Variants in PTPRS observed in about 807,000 individuals in gnomAD.
PTPRS encodes protein tyrosine phosphatase receptor type S, also known as receptor-type tyrosine-protein phosphatase S.
PTPRS carries 63 observed loss-of-function variants against 215.3 expected under a neutral mutation model. That is an observed-to-expected ratio of 0.29 (90% CI 0.24 to 0.36). The LOEUF is 0.36. Among genes scored for constraint, PTPRS ranks in the 10% least tolerant of loss-of-function variants. The probability of loss-of-function intolerance (pLI) is 1.00; values close to 1 mark genes in which losing one functional copy is unlikely to be tolerated. For missense variants in PTPRS, 2,258 were observed against 2,825.8 expected (o/e 0.80, Z 4.56); for synonymous variants, 1,404 against 1,191.4 (o/e 1.18, Z -3.68).
At chr19:5,316,394 T>C (rs1426441796) in intron 1 of PTPRS, among the ~76,000 whole-genome samples, 1 of 152,184 alleles carries the variant, frequency 6.6e-6, no homozygotes, top group East Asian at 1.9e-4. Flanking sequence ...TTTTTTTCTT[T>C]CTTTCTTTTT....
chr19:5,211,519 G>A, intron 33 of PTPRS, 71 bp downstream of exon 33: 1 of 1,482,024 alleles, frequency 6.7e-7, no homozygotes, highest in Non-Finnish European at 9.2e-7. Flanking sequence ...TCTCCCACAA[G>A]ACTGGAGGCC....
rs1482767471 is a variant in PTPRS, at chr19:5,339,714, A to C, written c.-95+950T>G. ...TCAGGGCACGCCCCGCGCCCCCTTT[A>C]ACCCAGTGCCGACGGCCCCGCCCCC... On this transcript the variant is annotated intron_variant, in intron 1 of 37. Transcript: ENST00000262963. This position sits in a 1 kb window ranked among gnomAD's most constrained non-coding sequence, Gnocchi z 4.2. Among the ~76,000 whole-genome samples, 1 of 151,410 alleles carries C rather than the reference A, an allele frequency of 6.6e-6. No homozygotes were observed. Among genetic ancestry groups the C allele is most frequent in the Non-Finnish European group, 1.5e-5 (1 of 67,728 alleles).
intron 3 of PTPRS, among the ~76,000 whole-genome samples, chr19:5,273,877 C>T (rs992417554): frequency 3.9e-5 from 6 of 152,136 alleles, no homozygotes; most frequent in Non-Finnish European, 7.3e-5. Flanking sequence ...TGAAGACATG[C>T]GGAATGTGTC....
Position 5,206,500 on chromosome 19 carries a change from C to A in PTPRS, c.*274G>T. 1 of 367,424 alleles carries A rather than the reference C, an allele frequency of 2.7e-6. No individual in the cohort carries two copies. The highest frequency in any genetic ancestry group is 5.1e-6 in the Non-Finnish European group (1 of 194,618). 22.8% of individuals were successfully genotyped at this position (367,424 alleles called of 1,614,324 possible). Reference sequence around the variant, plus strand: ...CCTATTTGCTCACCATCCCCCCACCCCCCACCCCGGAATCTGGTTTTGGAA... The same window carrying A: ...CCTATTTGCTCACCATCCCCCCACCACCCACCCCGGAATCTGGTTTTGGAA... On this transcript the variant is annotated 3_prime_UTR_variant, in exon 38 of 38. Transcript: ENST00000262963.
chr19:5,279,641 G>A (rs1159628240), intron 2 of PTPRS, among the ~76,000 whole-genome samples: 2 of 152,096 alleles, frequency 1.3e-5, no homozygotes, highest in East Asian at 3.9e-4. Flanking sequence ...AAAGCTCTGG[G>A]ATTAGCAGTG....
intron 1 of PTPRS, among the ~76,000 whole-genome samples, chr19:5,290,201 C>T (rs958468667): frequency 7.9e-5 from 12 of 152,198 alleles, no homozygotes; most frequent in African/African-American, 2.7e-4. Context: ...CACTAGCTCA[C>T]GGCAGCTGGT....
At chr19:5,236,849 G>GTAAA in intron 13 of PTPRS, among the ~76,000 whole-genome samples, 1 of 128,278 alleles carries the variant, frequency 7.8e-6, no homozygotes, top group African/African-American at 3.1e-5. Context: ...GGAGCAGGGG[G>GTAAA]AAAAAAAAAA....
At chr19:5,320,236 C>A (rs573831917) in intron 1 of PTPRS, among the ~76,000 whole-genome samples, 1 of 152,158 alleles carries the variant, frequency 6.6e-6, no homozygotes, top group Non-Finnish European at 1.5e-5. Flanking sequence ...GAAGCAGGGG[C>A]GGCAGCCAGT....
rs139566272 is a variant in PTPRS, at chr19:5,273,423, G to A, written c.379+19C>T. 1.8e-4 allele frequency: 286 copies of A among 1,614,004 alleles called. No individual in the cohort carries two copies. The African/African-American group carries it at 3.3e-3, about 18-fold the overall frequency. On this transcript the variant is annotated intron_variant, in intron 4 of 37. Transcript: ENST00000262963. ...CCAGGGCCCAGTTTATCCTCCGCCC[G>A]CCCTGAGGAGCCCAATACCTCGGAG...
chr19:5,220,488 C>G, intron 20 of PTPRS, 135 bp from the exon 21 acceptor site: 1 of 755,776 alleles, frequency 1.3e-6, no homozygotes, highest in Non-Finnish European at 2.2e-6. Context: ...CCCCTATGCC[C>G]CATCCACAAA....
In PTPRS at chr19:5,205,686, T is replaced by C. The variant is rs1395849399; in HGVS notation, c.*1088A>G. Among the ~76,000 whole-genome samples, 1 of 152,098 alleles carries C rather than the reference T, an allele frequency of 6.6e-6. No individual in the cohort carries two copies. The highest frequency in any genetic ancestry group is 2.4e-5 in the African/African-American group (1 of 41,408). On this transcript the variant is annotated 3_prime_UTR_variant, in exon 38 of 38. Coordinates refer to ENST00000262963, the MANE Select transcript of PTPRS (RefSeq NM_002850.4). ...GGTAGAGGGGGGCCTGTCCTTCTGGTTTTGCTCCCAAACTGCCCCACAGTC... is the reference window on the plus strand; with the variant it reads ...GGTAGAGGGGGGCCTGTCCTTCTGGCTTTGCTCCCAAACTGCCCCACAGTC...
chr19:5,241,399 T>C (rs1478455717), intron 11 of PTPRS, among the ~76,000 whole-genome samples: 1 of 152,004 alleles, frequency 6.6e-6, no homozygotes, highest in Non-Finnish European at 1.5e-5. Context: ...TCCTCTCGCC[T>C]CACCCTCCTA....
chr19:5,334,504 T>C (rs536163125), intron 1 of PTPRS, among the ~76,000 whole-genome samples: 15 of 152,264 alleles, frequency 9.9e-5, no homozygotes, highest in African/African-American at 3.4e-4. Flanking sequence ...TTGAGCAACT[T>C]GCCCCAGGTC....
intron 3 of PTPRS, 75 bp downstream of exon 3, chr19:5,274,124 C>CACTGTGGCTGAGGT: frequency 6.5e-7 from 1 of 1,545,274 alleles, no homozygotes; most frequent in Non-Finnish European, 8.8e-7. Context: ...CCACGAAGTC[C>CACTGTGGCTGAGGT]ACTGTGGCTG....
At chr19:5,267,631 TG>T (rs2046516134) in intron 4 of PTPRS, among the ~76,000 whole-genome samples, 1 of 143,794 alleles carries the variant, frequency 7.0e-6, no homozygotes, top group Non-Finnish European at 1.5e-5. Flanking sequence ...CACTCCAGCC[TG>T]GGCGACAGAG....
rs201556296 is a variant in PTPRS, at chr19:5,286,158, G to A, written c.-18C>T. The A allele has an allele frequency of 8.2e-5, 132 of 1,612,310 alleles. No homozygotes were observed. Among genetic ancestry groups the A allele is most frequent in the Middle Eastern group, 5.0e-4 (3 of 6,058 alleles). ...GGCGCCATGCTTGGCAGCGACCTCC[G>A]ATCTCCGCCCTGGAGGGGGATGGCC... is the stretch of plus-strand genomic sequence containing the variant. On this transcript the variant is annotated 5_prime_UTR_variant, in exon 2 of 38. Transcript: ENST00000262963.
At chr19:5,245,146 A>AT (rs74173042) in intron 10 of PTPRS, among the ~76,000 whole-genome samples, 11,391 of 136,114 alleles carry the variant, frequency 0.084, 1,263 homozygotes, top group African/African-American at 0.26. Flanking sequence ...CGCCCAGCTA[A>AT]TTTTTTTTTT....
chr19:5,299,790 A>C (rs759553200), intron 1 of PTPRS, among the ~76,000 whole-genome samples: 1 of 152,218 alleles, frequency 6.6e-6, no homozygotes, highest in East Asian at 1.9e-4. Flanking sequence ...GAATCGCTTG[A>C]ACCTGGGAGG....
intron 1 of PTPRS, among the ~76,000 whole-genome samples, chr19:5,317,365 GGGAGGCTGAGGCA>G (rs1403919689): frequency 1.3e-5 from 2 of 152,132 alleles, no homozygotes; most frequent in African/African-American, 4.8e-5. Context: ...CCAACTACTC[GGGAGGCTGAGGCA>G]GGAGAATCAC....
Sources: gnomAD v4.1 joint callset for allele counts (sites outside exome capture counted in the v4.1 genomes callset) on GRCh38, gnomAD v4.1.1 for gene constraint, Gnocchi (gnomAD v3.1) non-coding constraint, MANE v1.5 for transcripts, NCBI Gene and HGNC (gene_info 2026-07-23, HGNC 2026-07-21) for gene names.